ZNRF2: variants seen among roughly 807,000 people sequenced by gnomAD.
ZNRF2 encodes the protein zinc and ring finger 2.
Under a neutral mutation model 20.4 loss-of-function variants are expected in ZNRF2, and 16 were observed. The ratio of observed to expected loss-of-function variants is 0.79; its 90% CI spans 0.53 to 1.19. The LOEUF (loss-of-function observed/expected upper bound fraction) is 1.19, where lower values mean the gene tolerates loss of function less well. Ranked by LOEUF, ZNRF2 falls within the 50% of genes most tolerant of loss-of-function variation. The probability of loss-of-function intolerance (pLI) is 0.00; values close to 1 mark genes in which losing one functional copy is unlikely to be tolerated. For missense variants in ZNRF2, 363 were observed against 332.4 expected (o/e 1.09, Z -0.72); for synonymous variants, 178 against 144.9 (o/e 1.23, Z -1.64).
chr7:30,336,662 A>G (rs1267665456), intron 2 of ZNRF2, among the ~76,000 whole-genome samples: 1 of 152,144 alleles, frequency 6.6e-6, no homozygotes, highest in Non-Finnish European at 1.5e-5. Context: ...AAGATACATT[A>G]TAATGCAGAG....
chr7:30,285,807 C>T lies in ZNRF2; in HGVS notation c.450C>T (p.Leu150=), dbSNP rs770423113. 7 of 1,526,370 alleles carry T rather than the reference C, an allele frequency of 4.6e-6. No homozygotes were observed. Among genetic ancestry groups the T allele is most frequent in the East Asian group, 2.7e-5 (1 of 37,176 alleles). The allele number at this position is 1,526,370 out of a possible 1,614,324, so 94.6% of individuals were successfully genotyped here. ...TGATCGGCTCCTTACCAGCTCACCT[C>T]TCGCCGCACATGTTTGGAGGTACGG... The part of the protein sequence containing the change: ...RLVIGSLPAH[L]SPHMFGGFKC... The change falls in exon 1 of 5, where the codon CTC becomes CTT. Residue 150 remains leucine (L), a synonymous_variant. Coordinates refer to ENST00000323037, the MANE Select transcript of ZNRF2 (RefSeq NM_147128.4).
chr7:30,293,341 C>T (rs1198554492), intron 1 of ZNRF2, among the ~76,000 whole-genome samples: 1 of 151,682 alleles, frequency 6.6e-6, no homozygotes, highest in Non-Finnish European at 1.5e-5. Context: ...CTCTGCCTCC[C>T]AGGTTCAAGT....
intron 2 of ZNRF2, among the ~76,000 whole-genome samples, chr7:30,340,610 C>T (rs1799779126): frequency 6.6e-6 from 1 of 152,052 alleles, no homozygotes; most frequent in African/African-American, 2.4e-5. Context: ...AGTGGATAAG[C>T]TTTTTGATGT....
At chr7:30,313,520 C>T (rs992728386) in intron 1 of ZNRF2, among the ~76,000 whole-genome samples, 2 of 152,092 alleles carry the variant, frequency 1.3e-5, no homozygotes, top group Admixed American at 6.5e-5. Context: ...TTCCTCCCTC[C>T]CTGCCTTTCT....
At chr7:30,306,980 A>G (rs1303112502) in intron 1 of ZNRF2, among the ~76,000 whole-genome samples, 1 of 152,054 alleles carries the variant, frequency 6.6e-6, no homozygotes, top group Non-Finnish European at 1.5e-5. Context: ...TATCCTTAGT[A>G]TTGATTGGGT....
At chr7:30,331,979 A>G (rs938385220) in intron 2 of ZNRF2, among the ~76,000 whole-genome samples, 1 of 152,166 alleles carries the variant, frequency 6.6e-6, no homozygotes, top group Admixed American at 6.5e-5. Flanking sequence ...TTGTAAGCCC[A>G]TTTTATAAGG....
At chr7:30,296,236 A>G (rs567826352) in intron 1 of ZNRF2, among the ~76,000 whole-genome samples, 1 of 152,342 alleles carries the variant, frequency 6.6e-6, no homozygotes, top group Admixed American at 6.5e-5. Context: ...TTTTGAACCA[A>G]ATAGGTATAA....
chr7:30,333,993 TTTAA>T (rs1403853173), intron 2 of ZNRF2, among the ~76,000 whole-genome samples: 1 of 152,196 alleles, frequency 6.6e-6, no homozygotes, highest in African/African-American at 2.4e-5. Context: ...AGCTCTTCAG[TTTAA>T]TTAAGTCCCA....
chr7:30,312,793 A>G (rs1357088660), intron 1 of ZNRF2, among the ~76,000 whole-genome samples: 4 of 152,148 alleles, frequency 2.6e-5, no homozygotes, highest in African/African-American at 7.2e-5. Flanking sequence ...TGGCTCTTGG[A>G]TTAATTTTAA....
Position 30,285,618 on chromosome 7 carries a change from G to C in ZNRF2, c.261G>C (p.Val87=), listed in dbSNP as rs1798768544. 8.1e-7 allele frequency: 1 copy of C among 1,231,212 alleles called. No individual in the cohort carries two copies. The highest frequency in any genetic ancestry group is 1.0e-6 in the Non-Finnish European group (1 of 988,538). 76.3% of individuals were successfully genotyped at this position (1,231,212 alleles called of 1,614,324 possible). A position where few individuals can be genotyped will look rare whatever the true frequency, so the allele number is the denominator to read the frequency against. ...GCAGCCGCTCCCTCGGCGGGGCCGT[G>C]GGGAGCGTGGCGTCGGGGGCCCGCG... ...APRSRSLGGA[V]GSVASGARAA... The change falls in exon 1 of 5, where the codon GTG becomes GTC. Residue 87 remains valine (V), a synonymous_variant. Transcript: ENST00000323037.
chr7:30,360,106 A>G (rs974094561), intron 3 of ZNRF2, among the ~76,000 whole-genome samples: 1 of 152,258 alleles, frequency 6.6e-6, no homozygotes, highest in Non-Finnish European at 1.5e-5. Context: ...TATATGCCCT[A>G]GAGAAACTCT....
rs1385392217 is a variant in ZNRF2 at position 30,285,574 on chromosome 7, G to C, written c.217G>C (p.Ala73Pro). The stretch of plus-strand genomic sequence containing the variant: ...CGCCGCGGCGGCCGCGGCGGCCCCG[G>C]CAGCCCCGGCGGCCCCGCGCAGCCG... ...GGAAAAAAAP[A>P]APAAPRSRSL... The change falls in exon 1 of 5, where the codon GCA (alanine) becomes CCA (proline). Residue 73 changes from alanine (A) to proline (P), a missense_variant. Ala to Pro is a conservative substitution (Grantham distance 27). This residue lies in a region of ZNRF2 where 302 missense variants were observed against 231.5 expected (regional missense o/e 1.30). Coordinates refer to ENST00000323037, the MANE Select transcript of ZNRF2 (RefSeq NM_147128.4). 2 of 993,976 alleles carry C rather than the reference G, an allele frequency of 2.0e-6. No individual in the cohort carries two copies. Among genetic ancestry groups the C allele is most frequent in the Non-Finnish European group, 2.4e-6 (2 of 837,556 alleles). The allele number at this position is 993,976 out of a possible 1,614,324, so 61.6% of individuals were successfully genotyped here.
chr7:30,326,709 C>T (rs1583583104), intron 2 of ZNRF2, among the ~76,000 whole-genome samples: 1 of 152,144 alleles, frequency 6.6e-6, no homozygotes, highest in African/African-American at 2.4e-5. Context: ...GAGGAATTGC[C>T]ATACTGTCTT....
intron 1 of ZNRF2, among the ~76,000 whole-genome samples, chr7:30,288,570 G>C (rs954554870): frequency 6.6e-6 from 1 of 152,194 alleles, no homozygotes; most frequent in East Asian, 1.9e-4. Flanking sequence ...ATGTTTTGAT[G>C]TCATTTGGAC....
At chr7:30,294,172 G>T (rs545936548) in intron 1 of ZNRF2, among the ~76,000 whole-genome samples, 2 of 151,804 alleles carry the variant, frequency 1.3e-5, no homozygotes, top group Non-Finnish European at 2.9e-5. Flanking sequence ...TATTCTGTTC[G>T]TTCTCATTTT....
Position 30,285,823 on chromosome 7 carries a change from G to C in ZNRF2, c.466G>C (p.Gly156Arg), listed in dbSNP as rs1798775115. The change falls in exon 1 of 5, where the codon GGA becomes CGA. Residue 156 changes from glycine to arginine, a missense_variant. Transcript: ENST00000323037. Reference sequence around the variant, plus strand: ...AGCTCACCTCTCGCCGCACATGTTTGGAGGTACGGACCCCTCTCCGCGCAC... The same window carrying C: ...AGCTCACCTCTCGCCGCACATGTTTCGAGGTACGGACCCCTCTCCGCGCAC... Reference protein sequence around the residue: ...LPAHLSPHMFGGFKCPVCSKF... With the variant: ...LPAHLSPHMFRGFKCPVCSKF... 6.6e-7 allele frequency: 1 copy of C among 1,515,290 alleles called. No homozygotes were observed. Among genetic ancestry groups the C allele is most frequent in the South Asian group, 1.3e-5 (1 of 78,542 alleles). The allele number at this position is 1,515,290 out of a possible 1,614,324, so 93.9% of individuals were successfully genotyped here. A position where few individuals can be genotyped will look rare whatever the true frequency, so the allele number is the denominator to read the frequency against.
chr7:30,353,317 C>G (rs1034971472), intron 2 of ZNRF2, among the ~76,000 whole-genome samples: 3 of 152,046 alleles, frequency 2.0e-5, no homozygotes, highest in Non-Finnish European at 4.4e-5. Context: ...TAGGCTGTTT[C>G]TGCACTGAAA....
At chr7:30,339,747 G>C (rs1042015420) in intron 2 of ZNRF2, among the ~76,000 whole-genome samples, 4 of 152,110 alleles carry the variant, frequency 2.6e-5, no homozygotes, top group African/African-American at 4.8e-5. Context: ...GGCTCTATGG[G>C]CTCTTTTTTG....
Position 30,285,418 on chromosome 7 carries a change from T to C in ZNRF2, c.61T>C (p.Ser21Pro). 1 of 1,247,980 alleles carries C rather than the reference T, an allele frequency of 8.0e-7. No individual in the cohort carries two copies. The highest frequency in any genetic ancestry group is 1.0e-6 in the Non-Finnish European group (1 of 980,854). The allele number at this position is 1,247,980 out of a possible 1,614,324, so 77.3% of individuals were successfully genotyped here. A position where few individuals can be genotyped will look rare whatever the true frequency, so the allele number is the denominator to read the frequency against. Residue 21 changes from serine to proline, a missense_variant, in exon 1 of 5, where the codon TCG (serine) becomes CCG (proline). Physicochemically the swap from Ser to Pro is moderately conservative, Grantham distance 74. This residue lies in a region of ZNRF2 where 302 missense variants were observed against 231.5 expected (regional missense o/e 1.30). Transcript: ENST00000323037. ...ANGRTRAYSGSDLPSSSSGGA... is the reference protein window; with the variant it reads ...ANGRTRAYSGPDLPSSSSGGA... ...CGGCCGCACGCGCGCGTACTCGGGC[T>C]CGGATCTACCTTCCAGTAGCAGCGG...
Sources: gnomAD v4.1 joint callset for allele counts (sites outside exome capture counted in the v4.1 genomes callset) on GRCh38, gnomAD v4.1.1 for gene constraint, gnomAD v4.1.1 regional missense constraint, MANE v1.5 for transcripts, NCBI Gene and HGNC (gene_info 2026-07-23, HGNC 2026-07-21) for gene names.